Variants in GRM7 observed in about 807,000 individuals in gnomAD.
GRM7 encodes metabotropic glutamate receptor 7.
Under a neutral mutation model 84.5 loss-of-function variants are expected in GRM7, and 35 were observed. The observed-to-expected ratio is 0.41, with a 90% CI of 0.32 to 0.55. The LOEUF is 0.55. Ranked by LOEUF, GRM7 falls within the 20% of genes least tolerant of loss-of-function variation. The probability of loss-of-function intolerance (pLI) is 0.19; values close to 1 mark genes in which losing one functional copy is unlikely to be tolerated. For missense variants in GRM7, 1,003 were observed against 1,194.6 expected, an observed-to-expected ratio of 0.84 and a Z score of 2.36; for synonymous variants, 487 against 455.1, an observed-to-expected ratio of 1.07 and a Z score of -0.89.
intron 7 of GRM7, among the ~76,000 whole-genome samples, chr3:7,488,276 A>G (rs568866235): frequency 6.6e-6 from 1 of 152,262 alleles, no homozygotes; most frequent in Admixed American, 6.5e-5. Flanking sequence ...TTCAGATGGA[A>G]TAACTGTATT....
Position 7,415,073 on chromosome 3 carries a change from G to A in GRM7, c.1084G>A (p.Val362Ile). The change falls in exon 5 of 10, where the codon GTA becomes ATA. Residue 362 changes from valine to isoleucine, a missense_variant. By Grantham distance (29) the Val-to-Ile change is conservative. Coordinates refer to ENST00000357716, the MANE Select transcript of GRM7 (RefSeq NM_000844.4). Reference sequence around the variant, plus strand: ...TACACTTGAAAACAACAGAAGAAATGTATGGTTTGCCGAATACTGGGAGGA... The same window carrying A: ...TACACTTGAAAACAACAGAAGAAATATATGGTTTGCCGAATACTGGGAGGA... Reference protein sequence around the residue: ...SRTLENNRRNVWFAEYWEENF... With the variant: ...SRTLENNRRNIWFAEYWEENF... 1.2e-6 allele frequency: 2 copies of A among 1,612,728 alleles called. No homozygotes were observed. The highest frequency in any genetic ancestry group is 8.5e-7 in the Non-Finnish European group (1 of 1,178,888).
chr3:7,242,917 T>C (rs1188586422), intron 2 of GRM7, among the ~76,000 whole-genome samples: 1 of 152,130 alleles, frequency 6.6e-6, no homozygotes, highest in Admixed American at 6.6e-5. Context: ...AAATTGACAA[T>C]GTGGAGCCAT....
intron 8 of GRM7, among the ~76,000 whole-genome samples, chr3:7,677,166 G>T (rs1442447241): frequency 6.7e-6 from 1 of 150,042 alleles, no homozygotes; most frequent in African/African-American, 2.5e-5. Flanking sequence ...GCAGACTGAG[G>T]CAGGAGACTC....
chr3:7,475,566 G>A (rs1698888617), intron 7 of GRM7, among the ~76,000 whole-genome samples: 1 of 152,208 alleles, frequency 6.6e-6, no homozygotes, highest in Non-Finnish European at 1.5e-5. Context: ...GGGAGAAGGA[G>A]TGGAATTCAT....
At position 7,661,785 on chromosome 3, in the gene GRM7, T is replaced by C. The variant is rs1241112476; in HGVS notation, c.2452-18264T>C. On this transcript the variant is annotated intron_variant, in intron 8 of 9. Coordinates refer to ENST00000357716, the MANE Select transcript of GRM7 (RefSeq NM_000844.4). ...CTCCAGCCTGGGCCACAGAGCGAGGTCTCCGTCTCAAAAAAAAAAAAAAAA... is the reference window on the plus strand; with the variant it reads ...CTCCAGCCTGGGCCACAGAGCGAGGCCTCCGTCTCAAAAAAAAAAAAAAAA... Among the ~76,000 whole-genome samples the C allele has an allele frequency of 9.0e-5, 4 of 44,442 alleles. No homozygotes were observed. In the East Asian group the frequency reaches 8.2e-3, roughly 91 times the overall value. The allele number at this position is 44,442 out of a possible 152,430, so 29.2% of individuals were successfully genotyped here.
intron 1 of GRM7, among the ~76,000 whole-genome samples, chr3:6,883,839 G>A (rs1460075740): frequency 1.3e-5 from 2 of 152,190 alleles, no homozygotes; most frequent in Non-Finnish European, 2.9e-5. Context: ...CAGCCAACAT[G>A]TGTTGTCAAG....
intron 1 of GRM7, among the ~76,000 whole-genome samples, chr3:7,008,050 A>T (rs893568348): frequency 2.0e-5 from 3 of 152,114 alleles, no homozygotes; most frequent in Non-Finnish European, 4.4e-5. Context: ...ACAAGCAAGT[A>T]AAAGATGGTA....
At chr3:6,951,197 A>G (rs554011549) in intron 1 of GRM7, among the ~76,000 whole-genome samples, 1 of 152,166 alleles carries the variant, frequency 6.6e-6, no homozygotes, top group Non-Finnish European at 1.5e-5. Context: ...CCCCAGTCTG[A>G]CTAGAAGTTT....
intron 5 of GRM7, among the ~76,000 whole-genome samples, chr3:7,417,414 C>T (rs192512076): frequency 1.1e-4 from 17 of 152,126 alleles, no homozygotes; most frequent in Admixed American, 9.2e-4. Context: ...ACCATATGTA[C>T]ATCTTTCTTT....
At chr3:7,438,362 G>A (rs976645368) in intron 5 of GRM7, among the ~76,000 whole-genome samples, 3 of 151,882 alleles carry the variant, frequency 2.0e-5, no homozygotes, top group Non-Finnish European at 4.4e-5. Flanking sequence ...GTGAGATATG[G>A]GGAAATGAGA....
chr3:7,504,555 T>G lies in GRM7; in HGVS notation c.1515+42833T>G, dbSNP rs139652878. Among the ~76,000 whole-genome samples, 499 of 152,344 alleles carry G rather than the reference T, an allele frequency of 3.3e-3. 2 individuals carry two copies. Among genetic ancestry groups the G allele is most frequent in the African/African-American group, 0.011 (445 of 41,588 alleles). On this transcript the variant is annotated intron_variant, in intron 7 of 9. Transcript: ENST00000357716. ...TCAATAGCATGGTGTCTGCATCTGG[T>G]AAGGGCCTTCTTGCTTGCCATAACA...
At chr3:7,068,383 C>T (rs6803027) in intron 1 of GRM7, among the ~76,000 whole-genome samples, 18,028 of 151,950 alleles carry the variant, frequency 0.12, 1,642 homozygotes, top group African/African-American at 0.25. Flanking sequence ...CTGTTTTGCT[C>T]AGGTCAATAA....
rs377353303 is a variant in GRM7 at position 7,500,255 on chromosome 3, A to G, written c.1515+38533A>G. On this transcript the variant is annotated intron_variant, in intron 7 of 9. Transcript: ENST00000357716. Reference sequence around the variant, plus strand: ...TGGTCCACTGTATATAAAATAGTCTATTGCATCAAATGCATTCTATTCATA... The same window carrying G: ...TGGTCCACTGTATATAAAATAGTCTGTTGCATCAAATGCATTCTATTCATA... 9.0e-4 allele frequency among the ~76,000 whole-genome samples: 137 copies of G among 152,358 alleles called. 2 individuals carry two copies. The South Asian group carries it at 0.023, about 26-fold the overall frequency.
chr3:7,482,953 A>G (rs1699188253), intron 7 of GRM7, among the ~76,000 whole-genome samples: 1 of 152,208 alleles, frequency 6.6e-6, no homozygotes, highest in Admixed American at 6.5e-5. Flanking sequence ...TTATTTTCCT[A>G]CTATTTAAAA....
Position 7,018,716 on chromosome 3 carries a change from G to T in GRM7, c.520-127736G>T, listed in dbSNP as rs73808610. ...TGCAGCAGTGGCTGGAATAGGAGTG[G>T]AACTGTGAGGATCTGAGTGGCACAA... On this transcript the variant is annotated intron_variant, in intron 1 of 9. Coordinates refer to ENST00000357716, the MANE Select transcript of GRM7 (RefSeq NM_000844.4). Among the ~76,000 whole-genome samples the T allele has an allele frequency of 6.0e-3, 907 of 152,324 alleles. 8 individuals are homozygous for T. The highest frequency in any genetic ancestry group is 0.02 in the African/African-American group (837 of 41,576).
chr3:7,313,446 CT>C (rs1399994831), intron 4 of GRM7, among the ~76,000 whole-genome samples: 1 of 152,162 alleles, frequency 6.6e-6, no homozygotes, highest in Non-Finnish European at 1.5e-5. Flanking sequence ...TTACTGTTAT[CT>C]TTAAGCCCCT....
chr3:7,198,168 A>G lies in GRM7; in HGVS notation c.736+51500A>G, dbSNP rs184501002. Reference sequence around the variant, plus strand: ...AGGATAAAATGTTAAAAAAAAAAAAAAGAGAGAGATGGAAAACAGGCACAC... The same window carrying G: ...AGGATAAAATGTTAAAAAAAAAAAAGAGAGAGAGATGGAAAACAGGCACAC... On this transcript the variant is annotated intron_variant, in intron 2 of 9. Transcript: ENST00000357716. Among the ~76,000 whole-genome samples the G allele has an allele frequency of 6.8e-3, 1,026 of 151,194 alleles. 9 individuals are homozygous for G. Among genetic ancestry groups the G allele is most frequent in the African/African-American group, 0.023 (957 of 40,782 alleles).
chr3:7,489,580 G>C (rs1310020748), intron 7 of GRM7, among the ~76,000 whole-genome samples: 1 of 152,150 alleles, frequency 6.6e-6, no homozygotes, highest in Non-Finnish European at 1.5e-5. Context: ...TGACTACGTA[G>C]CTTGTGTGTA....
At chr3:7,554,935 T>G (rs1448940509) in intron 7 of GRM7, among the ~76,000 whole-genome samples, 2 of 151,768 alleles carry the variant, frequency 1.3e-5, no homozygotes, top group Non-Finnish European at 2.9e-5. Flanking sequence ...CAAGGGAGAG[T>G]GGCAGTGGAT....
Sources: gnomAD v4.1 joint callset for allele counts (sites outside exome capture counted in the v4.1 genomes callset) on GRCh38, gnomAD v4.1.1 for gene constraint, MANE v1.5 for transcripts, NCBI Gene and HGNC (gene_info 2026-07-23, HGNC 2026-07-21) for gene names.